The following ALPK2 variants were observed in gnomAD, a reference collection of about 807,000 sequenced individuals.
ALPK2 encodes the protein alpha-protein kinase 2.
A neutral mutation model predicts 163.1 loss-of-function variants in ALPK2; 127 were observed. That is an observed-to-expected ratio of 0.78 (90% CI 0.67 to 0.90). The LOEUF (loss-of-function observed/expected upper bound fraction) is 0.90, where lower values mean the gene tolerates loss of function less well. Ranked by LOEUF, ALPK2 falls within the 40% of genes least tolerant of loss-of-function variation. The pLI is 0.00. For missense variants in ALPK2, 2,360 were observed against 2,589.6 expected (o/e 0.91, Z 1.92); for synonymous variants, 953 against 959.1 (o/e 0.99, Z 0.12).
At position 58,579,613 on chromosome 18, in the gene ALPK2, G is replaced by A. The variant is rs147887741; in HGVS notation, c.1163C>T (p.Ser388Leu). 2.6e-4 allele frequency: 426 copies of A among 1,613,590 alleles called. No individual in the cohort carries two copies. The African/African-American group carries it at 4.4e-3, about 17-fold the overall frequency. Residue 388 changes from serine (S) to leucine (L), a missense_variant, in exon 4 of 13, where the codon TCG (serine) becomes TTG (leucine). Physicochemically the swap from Ser to Leu is moderately radical, Grantham distance 145 (BLOSUM62 -2). Coordinates refer to ENST00000361673, the MANE Select transcript of ALPK2 (RefSeq NM_052947.4). The stretch of plus-strand genomic sequence containing the variant: ...GGCAACCATAGGCCCAGCGTCACCC[G>A]ACACCCGAGACCCACAACCCATTCC... ...LSGMGCGSRV[S>L]GDAGPMVATA...
chr18:58,574,024 C>A (rs1306817707), intron 4 of ALPK2, among the ~76,000 whole-genome samples: 1 of 152,038 alleles, frequency 6.6e-6, no homozygotes, highest in Non-Finnish European at 1.5e-5. Context: ...GGCAGAAAAT[C>A]CTGAGTGCTA....
chr18:58,580,291 T>C lies in ALPK2; in HGVS notation c.485A>G (p.Asp162Gly). 6.2e-7 allele frequency: 1 copy of C among 1,613,094 alleles called. No homozygotes were observed. Among genetic ancestry groups the C allele is most frequent in the Non-Finnish European group, 8.5e-7 (1 of 1,179,750 alleles). Residue 162 changes from aspartate (D) to glycine (G), a missense_variant, in exon 4 of 13, where the codon GAC (aspartate) becomes GGC (glycine). Physicochemically the swap from Asp to Gly is moderately conservative, Grantham distance 94. Coordinates refer to ENST00000361673, the MANE Select transcript of ALPK2 (RefSeq NM_052947.4). Reference protein sequence around the residue: ...SISPGTPRSADSSPSKSNHSL... With the variant: ...SISPGTPRSAGSSPSKSNHSL... ...ATGGTTGGATTTGGAGGGGGAGGAG[T>C]CAGCTGACCTGGGAGTGCCCGGGGA... is the stretch of plus-strand genomic sequence containing the variant.
At chr18:58,484,752 T>TA (rs1555659656) in intron 12 of ALPK2, among the ~76,000 whole-genome samples, 1 of 149,696 alleles carries the variant, frequency 6.7e-6, no homozygotes, top group Non-Finnish European at 1.5e-5. Context: ...CAAAAAATAA[T>TA]ATAATAATAA....
chr18:58,567,141 T>C (rs1398219776), intron 4 of ALPK2, among the ~76,000 whole-genome samples: 1 of 151,730 alleles, frequency 6.6e-6, no homozygotes, highest in African/African-American at 2.4e-5. Flanking sequence ...ATCCCAGCAC[T>C]TTGGGAGGCC....
chr18:58,619,862 G>T (rs1053746658), intron 1 of ALPK2, among the ~76,000 whole-genome samples: 9 of 152,182 alleles, frequency 5.9e-5, no homozygotes, highest in African/African-American at 2.2e-4. Context: ...TCTTAGCAGG[G>T]TTATTCATAA....
chr18:58,564,627 GT>G (rs1458651526), intron 4 of ALPK2, among the ~76,000 whole-genome samples: 1 of 148,848 alleles, frequency 6.7e-6, no homozygotes, highest in Non-Finnish European at 1.5e-5. Flanking sequence ...CTTCCACTTT[GT>G]TTGATATTTA....
At position 58,579,440 on chromosome 18, in the gene ALPK2, G is replaced by T; in HGVS notation, c.1336C>A (p.Gln446Lys). The T allele has an allele frequency of 6.2e-7, 1 of 1,614,118 alleles. No homozygotes were observed. The highest frequency in any genetic ancestry group is 8.5e-7 in the Non-Finnish European group (1 of 1,180,034). The change falls in exon 4 of 13, where the codon CAG (glutamine) becomes AAG (lysine). Residue 446 changes from glutamine to lysine, a missense_variant. By Grantham distance (53) the Gln-to-Lys change is moderately conservative (BLOSUM62 1). Coordinates refer to ENST00000361673, the MANE Select transcript of ALPK2 (RefSeq NM_052947.4). ...HQDGTSSVTE[Q>K]GRYKLPTAPE... The stretch of plus-strand genomic sequence containing the variant: ...GCAGTGGGGAGTTTATATCTCCCCT[G>T]TTCTGTCACTGAAGACGTTCCATCC...
Position 58,607,536 on chromosome 18 carries a change from A to C in ALPK2, c.110-97T>G. ...CTATGAACAAGGATGGACAGTAAGC[A>C]ACAGGGATGAGGATGATGGATTACG... On this transcript the variant is annotated intron_variant, in intron 2 of 12. Coordinates refer to ENST00000361673, the MANE Select transcript of ALPK2 (RefSeq NM_052947.4). 3 of 718,396 alleles carry C rather than the reference A, an allele frequency of 4.2e-6. No individual in the cohort carries two copies. The South Asian group carries it at 5.9e-5, about 14-fold the overall frequency. 44.5% of individuals were successfully genotyped at this position (718,396 alleles called of 1,614,324 possible).
At chr18:58,587,763 A>G (rs535933508) in intron 3 of ALPK2, among the ~76,000 whole-genome samples, 1 of 152,180 alleles carries the variant, frequency 6.6e-6, no homozygotes, top group Admixed American at 6.5e-5. Flanking sequence ...ACCAGCTTAC[A>G]ATATATATAT....
At chr18:58,565,513 A>C (rs968720925) in intron 4 of ALPK2, among the ~76,000 whole-genome samples, 1 of 152,172 alleles carries the variant, frequency 6.6e-6, no homozygotes, top group Non-Finnish European at 1.5e-5. Context: ...TTGACCATTT[A>C]TCTCTTCCAT....
At chr18:58,534,549 C>T (rs1352245252) in intron 5 of ALPK2, among the ~76,000 whole-genome samples, 1 of 152,208 alleles carries the variant, frequency 6.6e-6, no homozygotes, top group Non-Finnish European at 1.5e-5. Context: ...TGCCTACAGG[C>T]GGCCTTTATC....
chr18:58,564,727 A>G (rs2051842855), intron 4 of ALPK2, among the ~76,000 whole-genome samples: 1 of 152,110 alleles, frequency 6.6e-6, no homozygotes, highest in African/African-American at 2.4e-5. Flanking sequence ...TTCAGTTTAC[A>G]CTGAGGAAAG....
In ALPK2 at chr18:58,535,618, C is replaced by A. The variant is rs1263144084; in HGVS notation, c.4569G>T (p.Glu1523Asp). ...IQESSDGSLG[E>D]AEQSKKDKAE... ...CTTTGTCCTTTTTGCTTTGCTCAGC[C>A]TCCCCTAAGCTCCCATCACTGCTTT... Residue 1523 changes from glutamate (E) to aspartate (D), a missense_variant, in exon 5 of 13, where the codon GAG (glutamate) becomes GAT (aspartate). Glu to Asp is a conservative substitution (Grantham distance 45). Transcript: ENST00000361673. 10 of 1,614,208 alleles carry A rather than the reference C, an allele frequency of 6.2e-6. No homozygotes were observed. The highest frequency in any genetic ancestry group is 8.5e-6 in the Non-Finnish European group (10 of 1,180,024).
At chr18:58,551,771 G>GA (rs2051761450) in intron 4 of ALPK2, among the ~76,000 whole-genome samples, 2 of 152,194 alleles carry the variant, frequency 1.3e-5, no homozygotes, top group African/African-American at 2.4e-5. Flanking sequence ...TCTGTGCTAA[G>GA]CAAAATCTGT....
At chr18:58,506,604 C>T (rs2051463228) in intron 10 of ALPK2, among the ~76,000 whole-genome samples, 2 of 152,172 alleles carry the variant, frequency 1.3e-5, no homozygotes, top group Admixed American at 1.3e-4. Flanking sequence ...GACTAAGACA[C>T]AGTCCCTGCC....
intron 9 of ALPK2, among the ~76,000 whole-genome samples, chr18:58,516,321 C>G (rs576463575): frequency 6.6e-6 from 1 of 152,260 alleles, no homozygotes; most frequent in East Asian, 1.9e-4. Flanking sequence ...GCCCTATCCT[C>G]TCACCTCGAG....
At chr18:58,604,911 C>T (rs1481072335) in intron 3 of ALPK2, among the ~76,000 whole-genome samples, 5 of 152,204 alleles carry the variant, frequency 3.3e-5, no homozygotes, top group African/African-American at 9.7e-5. Context: ...CTGGGGCTTC[C>T]TCATGGGCTT....
intron 4 of ALPK2, among the ~76,000 whole-genome samples, chr18:58,576,912 C>T (rs970744140): frequency 6.6e-6 from 1 of 152,236 alleles, no homozygotes; most frequent in Non-Finnish European, 1.5e-5. Flanking sequence ...GAAAAGGTCT[C>T]TCCACTTGCA....
Position 58,579,366 on chromosome 18 carries a change from T to C in ALPK2, c.1410A>G (p.Arg470=). The change falls in exon 4 of 13, where the codon AGA becomes AGG. Residue 470 remains arginine, a synonymous_variant. Coordinates refer to ENST00000361673, the MANE Select transcript of ALPK2 (RefSeq NM_052947.4). ...ATTCCTCTCTTGCTTGGTGGCTGTC[T>C]CTGGTTTCTCCTTGAATTCCTGGAT... ...NDYPGIQGET[R]DSHQAREEFA... The C allele has an allele frequency of 6.2e-7, 1 of 1,614,170 alleles. No individual in the cohort carries two copies. Among genetic ancestry groups the C allele is most frequent in the Non-Finnish European group, 8.5e-7 (1 of 1,180,022 alleles).
Sources: gnomAD v4.1 joint callset for allele counts (sites outside exome capture counted in the v4.1 genomes callset) on GRCh38, gnomAD v4.1.1 for gene constraint, MANE v1.5 for transcripts, NCBI Gene and HGNC (gene_info 2026-07-23, HGNC 2026-07-21) for gene names.